Variants in PLEKHA5 observed in about 807,000 individuals in gnomAD.
The protein encoded by PLEKHA5 is pleckstrin homology domain-containing family A member 5.
PLEKHA5 carries 55 observed loss-of-function variants against 181.9 expected under a neutral mutation model. The observed-to-expected ratio is 0.30, with a 90% CI of 0.24 to 0.38. PLEKHA5 has a LOEUF of 0.38. Among genes scored for constraint, PLEKHA5 ranks in the 10% least tolerant of loss-of-function variants. PLEKHA5 has a pLI of 1.00. For synonymous variants in PLEKHA5, 535 were observed against 529.4 expected (o/e 1.01, Z -0.15); for missense variants, 1,432 against 1,549.5 (o/e 0.92, Z 1.27).
At chr12:19,236,650 A>G (rs1285903387) in intron 3 of PLEKHA5, among the ~76,000 whole-genome samples, 1 of 152,182 alleles carries the variant, frequency 6.6e-6, no homozygotes, top group Non-Finnish European at 1.5e-5. Flanking sequence ...AGTTTATTTT[A>G]ATACTCAGTA....
intron 19 of PLEKHA5, 40 bp from the exon 20 acceptor site, chr12:19,322,478 T>C: frequency 6.2e-7 from 1 of 1,602,818 alleles, no homozygotes; most frequent in South Asian, 1.1e-5. Context: ...ATTAATACAA[T>C]GATGCAGAAC....
intron 21 of PLEKHA5, 81 bp downstream of exon 21, chr12:19,336,697 A>G: frequency 1.3e-6 from 1 of 750,050 alleles, no homozygotes; most frequent in South Asian, 1.6e-5. Flanking sequence ...ATTTACGCAT[A>G]CCCATAACAG....
At chr12:19,160,601 G>A (rs1220199471) in intron 3 of PLEKHA5, among the ~76,000 whole-genome samples, 4 of 151,958 alleles carry the variant, frequency 2.6e-5, no homozygotes, top group African/African-American at 7.2e-5. Context: ...TGGGATTATA[G>A]TTCACACATT....
At chr12:19,239,677 ATTG>A (rs533078537) in intron 3 of PLEKHA5, among the ~76,000 whole-genome samples, 133 of 152,320 alleles carry the variant, frequency 8.7e-4, no homozygotes, top group African/African-American at 3.0e-3. Flanking sequence ...ACATAAACAT[ATTG>A]TTAGTCAAAG....
At chr12:19,200,600 C>G (rs2053974654) in intron 3 of PLEKHA5, 4 of 1,163,524 alleles carry the variant, frequency 3.4e-6, no homozygotes, top group Non-Finnish European at 4.2e-6. Context: ...TAGAAACTAT[C>G]AGGCCTGAAC....
At chr12:19,360,765 C>CT (rs71064096) in intron 28 of PLEKHA5, among the ~76,000 whole-genome samples, 112,348 of 151,536 alleles carry the variant, frequency 0.74, 45,005 homozygotes, top group Non-Finnish European at 0.92. Flanking sequence ...TGCACCATCT[C>CT]TTTTTTTTGA....
intron 3 of PLEKHA5, among the ~76,000 whole-genome samples, chr12:19,197,337 AT>A (rs1191358883): frequency 2.0e-5 from 3 of 152,040 alleles, no homozygotes; most frequent in Admixed American, 2.0e-4. Context: ...ACCAATACTT[AT>A]TTTGGAAAAT....
intron 3 of PLEKHA5, chr12:19,200,526 C>G: frequency 7.5e-7 from 1 of 1,340,906 alleles, no homozygotes; most frequent in Non-Finnish European, 9.6e-7. Flanking sequence ...GATTACTCAC[C>G]TCAGAATGCT....
intron 3 of PLEKHA5, among the ~76,000 whole-genome samples, chr12:19,186,569 T>C (rs879333617): frequency 1.3e-5 from 2 of 152,216 alleles, no homozygotes; most frequent in Admixed American, 1.3e-4. Context: ...ACTTTCTAAT[T>C]AGTAGCTAGA....
chr12:19,164,048 T>A (rs1442407295), intron 3 of PLEKHA5, among the ~76,000 whole-genome samples: 2 of 152,206 alleles, frequency 1.3e-5, no homozygotes, highest in Non-Finnish European at 2.9e-5. Context: ...CAAGGCTCTT[T>A]AGGATGTTAC....
chr12:19,262,143 CTCTTTT>C (rs1300138263), intron 7 of PLEKHA5, among the ~76,000 whole-genome samples: 4 of 152,114 alleles, frequency 2.6e-5, no homozygotes, highest in Non-Finnish European at 5.9e-5. Context: ...CTCTTCTCGT[CTCTTTT>C]TCAGTATATT....
chr12:19,305,014 C>G (rs116675949), intron 15 of PLEKHA5, among the ~76,000 whole-genome samples: 3 of 152,106 alleles, frequency 2.0e-5, no homozygotes, highest in African/African-American at 7.2e-5. Flanking sequence ...CTTGGTGCTA[C>G]CTTTTTTCAT....
chr12:19,342,656 A>G (rs1307503878), intron 21 of PLEKHA5, among the ~76,000 whole-genome samples: 1 of 152,120 alleles, frequency 6.6e-6, no homozygotes, highest in African/African-American at 2.4e-5. Flanking sequence ...CACGTGCCGT[A>G]ATCCCCACTA....
intron 23 of PLEKHA5, among the ~76,000 whole-genome samples, chr12:19,346,187 T>C (rs2094320601): frequency 6.6e-6 from 1 of 152,188 alleles, no homozygotes; most frequent in Non-Finnish European, 1.5e-5. Flanking sequence ...TCTTATACTA[T>C]GTAAAATTTA....
At chr12:19,210,400 G>A (rs538480076) in intron 3 of PLEKHA5, among the ~76,000 whole-genome samples, 2 of 152,218 alleles carry the variant, frequency 1.3e-5, no homozygotes, top group South Asian at 4.1e-4. Context: ...TAATACAAAT[G>A]GAACTTTTCC....
intron 11 of PLEKHA5, among the ~76,000 whole-genome samples, chr12:19,278,197 G>A (rs1048839526): frequency 6.6e-6 from 1 of 152,090 alleles, no homozygotes; most frequent in Non-Finnish European, 1.5e-5. Flanking sequence ...TGACAGAAGA[G>A]CCTTTTAATG....
intron 7 of PLEKHA5, among the ~76,000 whole-genome samples, chr12:19,262,409 G>A (rs773565239): frequency 1.4e-4 from 21 of 150,556 alleles, no homozygotes; most frequent in Non-Finnish European, 2.2e-4. Flanking sequence ...AATTTTTTGT[G>A]TGTATTTTTA....
At chr12:19,157,097 T>TACAC (rs3056384) in intron 3 of PLEKHA5, among the ~76,000 whole-genome samples, 13,214 of 142,770 alleles carry the variant, frequency 0.093, 639 homozygotes, top group East Asian at 0.11. Context: ...TATATGTACA[T>TACAC]ACACACACAC....
intron 4 of PLEKHA5, among the ~76,000 whole-genome samples, chr12:19,254,347 T>C (rs2066250100): frequency 6.6e-6 from 1 of 152,208 alleles, no homozygotes; most frequent in Non-Finnish European, 1.5e-5. Flanking sequence ...AATCAGATAG[T>C]GGTAATTACT....
Sources: gnomAD v4.1 joint callset for allele counts (sites outside exome capture counted in the v4.1 genomes callset) on GRCh38, gnomAD v4.1.1 for gene constraint, MANE v1.5 for transcripts, NCBI Gene and HGNC (gene_info 2026-07-23, HGNC 2026-07-21) for gene names.